The following AHCYL2 variants were observed in gnomAD, a reference collection of about 807,000 sequenced individuals.
AHCYL2 encodes S-adenosylhomocysteine hydrolase-like protein 2.
A neutral mutation model predicts 81.4 loss-of-function variants in AHCYL2; 28 were observed. The observed-to-expected ratio is 0.34, with a 90% CI of 0.25 to 0.47. The LOEUF (loss-of-function observed/expected upper bound fraction) is 0.47. AHCYL2 is among the 20% of genes least tolerant of loss of function. AHCYL2 has a pLI of 1.00. For missense variants in AHCYL2, 551 were observed against 785.1 expected (o/e 0.70, Z 3.56); for synonymous variants, 272 against 290.2 (o/e 0.94, Z 0.64).
At chr7:129,264,175 C>T (rs1795737963) in intron 1 of AHCYL2, among the ~76,000 whole-genome samples, 1 of 152,190 alleles carries the variant, frequency 6.6e-6, no homozygotes, top group African/African-American at 2.4e-5. Flanking sequence ...GCACCCGCCA[C>T]CATGCCCGGC....
intron 1 of AHCYL2, among the ~76,000 whole-genome samples, chr7:129,369,415 G>A (rs1490772918): frequency 6.6e-6 from 1 of 152,142 alleles, no homozygotes; most frequent in East Asian, 1.9e-4. Flanking sequence ...TTGATAATGA[G>A]ATAGAATATA....
At chr7:129,407,144 G>T (rs1437789256) in intron 10 of AHCYL2, among the ~76,000 whole-genome samples, 1 of 152,148 alleles carries the variant, frequency 6.6e-6, no homozygotes, top group African/African-American at 2.4e-5. Flanking sequence ...GCGCCCAGGA[G>T]TTCGAGACCA....
chr7:129,368,081 C>T lies in AHCYL2; in HGVS notation c.364-11557C>T. On this transcript the variant is annotated intron_variant, in intron 1 of 16. Transcript: ENST00000325006. The surrounding 1 kb of genome is among the most constrained non-coding windows in gnomAD (Gnocchi z 4.4). Reference sequence around the variant, plus strand: ...GTATCCGCACCTCCAGTGACGTGTCCTGAAGGGTGGGAGAGAATTCACAAG... The same window carrying T: ...GTATCCGCACCTCCAGTGACGTGTCTTGAAGGGTGGGAGAGAATTCACAAG... The T allele has an allele frequency of 1.0e-6, 1 of 1,000,426 alleles. No individual in the cohort carries two copies. The highest frequency in any genetic ancestry group is 1.2e-6 in the Non-Finnish European group (1 of 839,328). The allele number at this position is 1,000,426 out of a possible 1,614,324, so 62.0% of individuals were successfully genotyped here.
Position 129,368,122 on chromosome 7 carries a change from G to C in AHCYL2, c.364-11516G>C. On this transcript the variant is annotated intron_variant, in intron 1 of 16. Transcript: ENST00000325006. The surrounding 1 kb of genome is among the most constrained non-coding windows in gnomAD (Gnocchi z 4.4). ...AATTCACAAGTGCCTCACACACAGG[G>C]AAAGAAGGAAGTCCAACTATTGCTG... The C allele has an allele frequency of 9.7e-7, 1 of 1,033,368 alleles. No homozygotes were observed. Among genetic ancestry groups the C allele is most frequent in the Non-Finnish European group, 1.2e-6 (1 of 860,336 alleles). 64.0% of individuals were successfully genotyped at this position (1,033,368 alleles called of 1,614,324 possible).
In AHCYL2 at chr7:129,322,109, TTGTG is replaced by T. The variant is rs72103588; in HGVS notation, c.364-57511_364-57508del. Among the ~76,000 whole-genome samples the T allele has an allele frequency of 2.9e-3, 426 of 145,166 alleles. 4 individuals are homozygous for T. The highest frequency in any genetic ancestry group is 9.9e-3 in the African/African-American group (401 of 40,578). Reference sequence around the variant, plus strand: ...CCAAGTAAGCCTTCTGGGCCAGGTTTTGTGTGTGTGTGTGTGTGTGTATAGGAAG... The same window carrying T: ...CCAAGTAAGCCTTCTGGGCCAGGTTTTGTGTGTGTGTGTGTGTATAGGAAG... On this transcript the variant is annotated intron_variant, in intron 1 of 16. Transcript: ENST00000325006.
chr7:129,362,500 C>T (rs1793964201), intron 1 of AHCYL2, among the ~76,000 whole-genome samples: 1 of 151,284 alleles, frequency 6.6e-6, no homozygotes, highest in African/African-American at 2.4e-5. Context: ...CAGTCTCATA[C>T]TTGACCACAT....
At chr7:129,312,934 C>G (rs1797713054) in intron 1 of AHCYL2, among the ~76,000 whole-genome samples, 1 of 152,070 alleles carries the variant, frequency 6.6e-6, no homozygotes, top group African/African-American at 2.4e-5. Flanking sequence ...ATACTATAGC[C>G]TGACCCTCTT....
chr7:129,264,045 G>A (rs753413341), intron 1 of AHCYL2, among the ~76,000 whole-genome samples: 2 of 151,988 alleles, frequency 1.3e-5, no homozygotes, highest in Admixed American at 6.6e-5. Context: ...TTTTTGAGAC[G>A]GAGTCATGCT....
At chr7:129,321,753 T>G (rs1392775856) in intron 1 of AHCYL2, among the ~76,000 whole-genome samples, 2 of 143,572 alleles carry the variant, frequency 1.4e-5, no homozygotes, top group East Asian at 2.0e-4. Flanking sequence ...GTTTTTTTTT[T>G]TTTTTTTTTT....
chr7:129,376,644 AGAGTAT>A (rs1794702376), intron 1 of AHCYL2, among the ~76,000 whole-genome samples: 1 of 152,216 alleles, frequency 6.6e-6, no homozygotes, highest in African/African-American at 2.4e-5. Context: ...CCTACAATCT[AGAGTAT>A]AAGAGTGACT....
chr7:129,301,931 G>A (rs2150763829), intron 1 of AHCYL2, among the ~76,000 whole-genome samples: 1 of 151,998 alleles, frequency 6.6e-6, no homozygotes, highest in South Asian at 2.1e-4. Context: ...TATAGATTCA[G>A]TGCAATCCCT....
chr7:129,405,156 C>T lies in AHCYL2; in HGVS notation c.1085C>T (p.Ser362Leu). The change falls in exon 8 of 17, where the codon TCA becomes TTA. Residue 362 changes from serine (S) to leucine (L), a missense_variant. Ser to Leu is a moderately radical substitution (Grantham distance 145, BLOSUM62 -2). This residue lies in a region of AHCYL2 where 316 missense variants were observed against 543.1 expected (regional missense o/e 0.58). Coordinates refer to ENST00000325006, the MANE Select transcript of AHCYL2 (RefSeq NM_015328.4). ...LCVPAMNVND[S>L]VTKQKFDNLY... ...GTTCCAGCCATGAATGTCAATGACT[C>T]AGTCACCAAACAGAAATTTGACAAC... 2.5e-6 allele frequency: 4 copies of T among 1,606,230 alleles called. No individual in the cohort carries two copies. Among genetic ancestry groups the T allele is most frequent in the Non-Finnish European group, 2.5e-6 (3 of 1,176,662 alleles).
chr7:129,366,913 G>A (rs1434124632), intron 1 of AHCYL2, among the ~76,000 whole-genome samples: 1 of 152,148 alleles, frequency 6.6e-6, no homozygotes, highest in Admixed American at 6.5e-5. Flanking sequence ...CATTTTAAGG[G>A]GACATGAGAC....
intron 1 of AHCYL2, among the ~76,000 whole-genome samples, chr7:129,350,175 A>T (rs1793506824): frequency 6.6e-6 from 1 of 152,176 alleles, no homozygotes; most frequent in Non-Finnish European, 1.5e-5. Context: ...CAGATAAAGC[A>T]TGCAGAGGTA....
intron 1 of AHCYL2, among the ~76,000 whole-genome samples, chr7:129,300,860 A>G (rs1797234961): frequency 6.6e-6 from 1 of 152,070 alleles, no homozygotes; most frequent in African/African-American, 2.4e-5. Flanking sequence ...TTTGAGATGG[A>G]GTCTCACTCT....
At chr7:129,385,225 A>G (rs1163830252) in intron 2 of AHCYL2, among the ~76,000 whole-genome samples, 1 of 152,218 alleles carries the variant, frequency 6.6e-6, no homozygotes, top group Non-Finnish European at 1.5e-5. Flanking sequence ...CTTTTTACAC[A>G]TTTCCAGAGT....
chr7:129,236,085 G>C (rs577510028), intron 1 of AHCYL2, among the ~76,000 whole-genome samples: 1 of 148,838 alleles, frequency 6.7e-6, no homozygotes, highest in Non-Finnish European at 1.5e-5. Flanking sequence ...GCAATGGCAC[G>C]GTCTCAGCTC....
intron 2 of AHCYL2, among the ~76,000 whole-genome samples, chr7:129,383,717 A>T (rs1030179670): frequency 6.6e-6 from 1 of 151,732 alleles, no homozygotes; most frequent in Non-Finnish European, 1.5e-5. Context: ...TGTTCATTTC[A>T]CTCTGGCCTT....
At chr7:129,293,161 G>A (rs1184581509) in intron 1 of AHCYL2, among the ~76,000 whole-genome samples, 2 of 150,366 alleles carry the variant, frequency 1.3e-5, no homozygotes, top group Non-Finnish European at 3.0e-5. Flanking sequence ...TTTTTTTTTG[G>A]TATCTTTCAA....
Sources: allele counts gnomAD v4.1 joint callset (sites outside exome capture counted in the v4.1 genomes callset), GRCh38; gene constraint gnomAD v4.1.1; regional missense constraint gnomAD v4.1.1; non-coding constraint Gnocchi (gnomAD v3.1); transcripts MANE v1.5; gene names NCBI Gene and HGNC (gene_info 2026-07-23, HGNC 2026-07-21).